PRRT2: variants seen among roughly 807,000 people sequenced by gnomAD.
The protein encoded by PRRT2 is proline-rich transmembrane protein 2.
A neutral mutation model predicts 24.7 loss-of-function variants in PRRT2; 9 were observed. The ratio of observed to expected loss-of-function variants is 0.36; its 90% confidence interval spans 0.22 to 0.64. The LOEUF is 0.64. Ranked by LOEUF, PRRT2 falls within the 30% of genes least tolerant of loss-of-function variation. The pLI is 0.65. For missense variants in PRRT2, 460 were observed against 435.0 expected, an observed-to-expected ratio of 1.06 and a Z score of -0.51; for synonymous variants, 195 against 175.5, an observed-to-expected ratio of 1.11 and a Z score of -0.88.
At chr16:29,812,890 G>A (rs1900048075) in intron 1 of PRRT2, 100 bp from the exon 2 acceptor site, 1 of 723,402 alleles carries the variant, frequency 1.4e-6, no homozygotes, top group Non-Finnish European at 2.3e-6. Context: ...CCTAGAGGCA[G>A]TGCAAGGCTG....
In PRRT2 at chr16:29,814,300, G is replaced by C; in HGVS notation, c.880-33G>C. The C allele has an allele frequency of 1.3e-6, 2 of 1,559,472 alleles. No homozygotes were observed. Among genetic ancestry groups the C allele is most frequent in the Non-Finnish European group, 1.7e-6 (2 of 1,161,568 alleles). On this transcript the variant is annotated intron_variant, in intron 2 of 3. Coordinates refer to ENST00000358758, the MANE Select transcript of PRRT2 (RefSeq NM_145239.3). This position sits in a 1 kb window ranked among gnomAD's most constrained non-coding sequence, Gnocchi z 4.1. ...TCTGGGCTGGCTTCTCCTGACCCCG[G>C]CTATGTGCCTCCACCCCTCGCCCTA...
chr16:29,812,567 A>C (rs2142419831), intron 1 of PRRT2: 1 of 153,654 alleles, frequency 6.5e-6, no homozygotes, highest in African/African-American at 2.4e-5. Context: ...CTAAACGCGC[A>C]GCAAGAAAAC....
In PRRT2 at chr16:29,814,263, C is replaced by T; in HGVS notation, c.880-70C>T. Reference sequence around the variant, plus strand: ...CTCTCTCTCTTCTGGATGACTTTTCCACCTGATCCCTTCTGGGCTGGCTTC... The same window carrying T: ...CTCTCTCTCTTCTGGATGACTTTTCTACCTGATCCCTTCTGGGCTGGCTTC... On this transcript the variant is annotated intron_variant, in intron 2 of 3. Transcript: ENST00000358758. This position sits in a 1 kb window ranked among gnomAD's most constrained non-coding sequence, Gnocchi z 4.1. 1.3e-6 allele frequency: 2 copies of T among 1,511,032 alleles called. No homozygotes were observed. Among genetic ancestry groups the T allele is most frequent in the Non-Finnish European group, 1.8e-6 (2 of 1,139,332 alleles). 93.6% of individuals were successfully genotyped at this position (1,511,032 alleles called of 1,614,324 possible). A position where few individuals can be genotyped will look rare whatever the true frequency, so the allele number is the denominator to read the frequency against.
In PRRT2 at chr16:29,814,142, T is replaced by C. The variant is rs2142428074; in HGVS notation, c.880-191T>C. On this transcript the variant is annotated intron_variant, in intron 2 of 3. Coordinates refer to ENST00000358758, the MANE Select transcript of PRRT2 (RefSeq NM_145239.3). This position sits in a 1 kb window ranked among gnomAD's most constrained non-coding sequence, Gnocchi z 4.1. ...CCTGCCCCTTTGGGTGGGAGGGATATGGAAACACGTGTCACACAGCCTCGC... is the reference window on the plus strand; with the variant it reads ...CCTGCCCCTTTGGGTGGGAGGGATACGGAAACACGTGTCACACAGCCTCGC... 3.4e-6 allele frequency: 5 copies of C among 1,487,598 alleles called. No individual in the cohort carries two copies. Among genetic ancestry groups the C allele is most frequent in the South Asian group, 2.7e-5 (2 of 72,860 alleles). 92.1% of individuals were successfully genotyped at this position (1,487,598 alleles called of 1,614,324 possible). A position where few individuals can be genotyped will look rare whatever the true frequency, so the allele number is the denominator to read the frequency against.
Position 29,813,070 on chromosome 16 carries a change from TC to T in PRRT2, c.17del (p.Ser6LeufsTer6). The T allele has an allele frequency of 1.9e-6, 3 of 1,606,728 alleles. No individual in the cohort carries two copies. The highest frequency in any genetic ancestry group is 2.5e-6 in the Non-Finnish European group (3 of 1,176,700). ...CCATCTCAAGATGGCAGCCAGCAGC[TC>T]TGAGATCTCTGAGATGAAGGGGGTT... The part of the protein sequence containing the change: MAASS[S>X]EISEMKGVEE... On this transcript the variant is annotated frameshift_variant, in exon 2 of 4. Coordinates refer to ENST00000358758, the MANE Select transcript of PRRT2 (RefSeq NM_145239.3). LOFTEE classifies it high-confidence loss of function.
At position 29,813,305 on chromosome 16, in the gene PRRT2, C is replaced by A. The variant is rs1900071780; in HGVS notation, c.251C>A (p.Ala84Asp). 3 of 1,614,078 alleles carry A rather than the reference C, an allele frequency of 1.9e-6. No homozygotes were observed. The East Asian group carries it at 6.7e-5, about 36-fold the overall frequency. The stretch of plus-strand genomic sequence containing the variant: ...GCTGGGGCCTCAGAAACAGCCCAGG[C>A]CACAGACCTCAGCTTAAGCCCAGGA... ...TPAGASETAQ[A>D]TDLSLSPGGE... Residue 84 changes from alanine to aspartate, a missense_variant, in exon 2 of 4, where the codon GCC becomes GAC. By Grantham distance (126) the Ala-to-Asp change is moderately radical. Coordinates refer to ENST00000358758, the MANE Select transcript of PRRT2 (RefSeq NM_145239.3).
At position 29,813,488 on chromosome 16, in the gene PRRT2, G is replaced by C. The variant is rs200877676; in HGVS notation, c.434G>C (p.Arg145Pro). Residue 145 changes from arginine (R) to proline (P), a missense_variant, in exon 2 of 4, where the codon CGG (arginine) becomes CCG (proline). Transcript: ENST00000358758. The part of the protein sequence containing the change: ...APEPAPQPDP[R>P]PDSQPTPKPA... ...GAGCCTGCTCCCCAACCAGACCCCC[G>C]GCCAGATTCCCAGCCTACCCCCAAG... is the stretch of plus-strand genomic sequence containing the variant. 1.2e-6 allele frequency: 2 copies of C among 1,613,140 alleles called. No individual in the cohort carries two copies. Among genetic ancestry groups the C allele is most frequent in the East Asian group, 2.2e-5 (1 of 44,868 alleles).
At position 29,815,636 on chromosome 16, in the gene PRRT2, T is replaced by TG. The variant is rs1434354215; in HGVS notation, c.*1003dup. Reference sequence around the variant, plus strand: ...GCTCTATAATTATTTTCTAAGATGATGGGGGAGGTTTGTTGCACGCGACAG... The same window carrying TG: ...GCTCTATAATTATTTTCTAAGATGATGGGGGGAGGTTTGTTGCACGCGACAG... On this transcript the variant is annotated 3_prime_UTR_variant, in exon 4 of 4. Transcript: ENST00000358758. 1 of 141,940 alleles carries TG rather than the reference T, an allele frequency of 7.0e-6. No homozygotes were observed. The highest frequency in any genetic ancestry group is 2.7e-5 in the African/African-American group (1 of 37,270). 8.8% of individuals were successfully genotyped at this position (141,940 alleles called of 1,614,324 possible).
rs200442695 is a variant in PRRT2 at position 29,813,565 on chromosome 16, C to G, written c.511C>G (p.Leu171Val). ...CCAGGAGGACCCCACCCCTGAGATTCTGTCTGAGAGTGTAGGGGAAAAGCA... is the reference window on the plus strand; with the variant it reads ...CCAGGAGGACCCCACCCCTGAGATTGTGTCTGAGAGTGTAGGGGAAAAGCA... ...PTQEDPTPEILSESVGEKQEN... is the reference protein window; with the variant it reads ...PTQEDPTPEIVSESVGEKQEN... Residue 171 changes from leucine to valine, a missense_variant, in exon 2 of 4, where the codon CTG becomes GTG. Coordinates refer to ENST00000358758, the MANE Select transcript of PRRT2 (RefSeq NM_145239.3). 1 of 1,613,770 alleles carries G rather than the reference C, an allele frequency of 6.2e-7. No homozygotes were observed. The highest frequency in any genetic ancestry group is 8.5e-7 in the Non-Finnish European group (1 of 1,179,812).
chr16:29,814,005 C>T lies in PRRT2; in HGVS notation c.879+72C>T. 1.3e-6 allele frequency: 2 copies of T among 1,518,278 alleles called. No individual in the cohort carries two copies. The highest frequency in any genetic ancestry group is 1.8e-6 in the Non-Finnish European group (2 of 1,136,776). The allele number at this position is 1,518,278 out of a possible 1,614,324, so 94.1% of individuals were successfully genotyped here. Reference sequence around the variant, plus strand: ...TCCCGCCAGCGCTGCAATAGAGCCTCTGGAGTAATCATGCCTTCCTTCCCC... The same window carrying T: ...TCCCGCCAGCGCTGCAATAGAGCCTTTGGAGTAATCATGCCTTCCTTCCCC... On this transcript the variant is annotated intron_variant, in intron 2 of 3. Transcript: ENST00000358758. The surrounding 1 kb of genome is among the most constrained non-coding windows in gnomAD (Gnocchi z 4.1).
Position 29,814,971 on chromosome 16 carries a change from G to T in PRRT2, c.*333G>T. On this transcript the variant is annotated 3_prime_UTR_variant, in exon 4 of 4. Transcript: ENST00000358758. This position sits in a 1 kb window ranked among gnomAD's most constrained non-coding sequence, Gnocchi z 4.1. ...ACACCTCCCCAACTCTGCGCTCTCAGCCTCCCTGCATCTCTCCTGGCCTCC... is the reference window on the plus strand; with the variant it reads ...ACACCTCCCCAACTCTGCGCTCTCATCCTCCCTGCATCTCTCCTGGCCTCC... 3.0e-6 allele frequency: 1 copy of T among 332,418 alleles called. No individual in the cohort carries two copies. Among genetic ancestry groups the T allele is most frequent in the Non-Finnish European group, 5.5e-6 (1 of 180,620 alleles). The allele number at this position is 332,418 out of a possible 1,614,324, so 20.6% of individuals were successfully genotyped here.
In PRRT2 at chr16:29,813,655, C is replaced by T; in HGVS notation, c.601C>T (p.His201Tyr). Residue 201 changes from histidine (H) to tyrosine (Y), a missense_variant, in exon 2 of 4, where the codon CAC becomes TAC. His to Tyr is a moderately conservative substitution (Grantham distance 83). Transcript: ENST00000358758. ...GGAAGAGGGCCCAGCCCCTGAGCCT[C>T]ACTCACCACCCTCAAAAAAATCCCC... ...DGEEGPAPEP[H>Y]SPPSKKSPPA... 6.2e-7 allele frequency: 1 copy of T among 1,611,434 alleles called. No individual in the cohort carries two copies. Among genetic ancestry groups the T allele is most frequent in the South Asian group, 1.1e-5 (1 of 90,884 alleles).
At chr16:29,812,539 G>C (rs1900026630) in intron 1 of PRRT2, 1 of 153,032 alleles carries the variant, frequency 6.5e-6, no homozygotes, top group Non-Finnish European at 1.5e-5. Flanking sequence ...CCCAGAAAGG[G>C]GCGGGAGCGT....
Position 29,814,040 on chromosome 16 carries a change from T to C in PRRT2, c.879+107T>C. ...CATGCCTTCCTTCCCCTCTCCTCTC[T>C]GCATGGATCCCACCTCCCCAATTCC... On this transcript the variant is annotated intron_variant, in intron 2 of 3. Transcript: ENST00000358758. This position sits in a 1 kb window ranked among gnomAD's most constrained non-coding sequence, Gnocchi z 4.1. 1 of 1,492,848 alleles carries C rather than the reference T, an allele frequency of 6.7e-7. No individual in the cohort carries two copies. Among genetic ancestry groups the C allele is most frequent in the South Asian group, 1.4e-5 (1 of 72,804 alleles). 92.5% of individuals were successfully genotyped at this position (1,492,848 alleles called of 1,614,324 possible).
rs1259283699 is a variant in PRRT2, at chr16:29,813,824, A to T, written c.770A>T (p.Glu257Val). ...TCCCAGTTGGCAGGTCCTGGGGTGGAGGGGGGTGAAGGCACCCAGAAACCT... is the reference window on the plus strand; with the variant it reads ...TCCCAGTTGGCAGGTCCTGGGGTGGTGGGGGGTGAAGGCACCCAGAAACCT... Reference protein sequence around the residue: ...PSSQLAGPGVEGGEGTQKPRD... With the variant: ...PSSQLAGPGVVGGEGTQKPRD... The change falls in exon 2 of 4, where the codon GAG becomes GTG. Residue 257 changes from glutamate to valine, a missense_variant. Around this residue, in one of 3 missense-constraint regions of PRRT2, gnomAD observed 378 missense variants for 324.6 expected, o/e 1.16. Coordinates refer to ENST00000358758, the MANE Select transcript of PRRT2 (RefSeq NM_145239.3). The T allele has an allele frequency of 6.2e-7, 1 of 1,612,962 alleles. No homozygotes were observed.
rs1366259234 is a variant in PRRT2 at position 29,813,623 on chromosome 16, G to A, written c.569G>A (p.Gly190Asp). The stretch of plus-strand genomic sequence containing the variant: ...GGGGCAGTGGTGCCCCTGCAGGCTG[G>A]TGATGGGGAAGAGGGCCCAGCCCCT... ...ENGAVVPLQA[G>D]DGEEGPAPEP... The change falls in exon 2 of 4, where the codon GGT becomes GAT. Residue 190 changes from glycine to aspartate, a missense_variant. By Grantham distance (94) the Gly-to-Asp change is moderately conservative. Transcript: ENST00000358758. 1.9e-6 allele frequency: 3 copies of A among 1,613,224 alleles called. No individual in the cohort carries two copies. Among genetic ancestry groups the A allele is most frequent in the Non-Finnish European group, 2.5e-6 (3 of 1,179,696 alleles).
Position 29,813,694 on chromosome 16 carries a change from GCC to G in PRRT2, c.648_649del (p.Arg217SerfsTer7). 2.0e-6 allele frequency: 3 copies of G among 1,505,378 alleles called. No individual in the cohort carries two copies. The highest frequency in any genetic ancestry group is 2.4e-5 in the East Asian group (1 of 42,416). The allele number at this position is 1,505,378 out of a possible 1,614,324, so 93.3% of individuals were successfully genotyped here. On this transcript the variant is annotated frameshift_variant, in exon 2 of 4. Coordinates refer to ENST00000358758, the MANE Select transcript of PRRT2 (RefSeq NM_145239.3). LOFTEE classifies it high-confidence loss of function. Reference sequence around the variant, plus strand: ...AAAAAAATCCCCCCCAGCCAATGGGGCCCCCCCCCGAGTGCTGCAGCAGCTGG... The same window carrying G: ...AAAAAAATCCCCCCCAGCCAATGGGGCCCCCCCGAGTGCTGCAGCAGCTGG... ...PSKKSPPANGAPPRVLQQLVE... is the reference protein window; with the variant it reads ...PSKKSPPANGXPPRVLQQLVE...
At position 29,813,127 on chromosome 16, in the gene PRRT2, C is replaced by G. The variant is rs371883992; in HGVS notation, c.73C>G (p.Pro25Ala). The G allele has an allele frequency of 6.2e-7, 1 of 1,613,990 alleles. No individual in the cohort carries two copies. Among genetic ancestry groups the G allele is most frequent in the Non-Finnish European group, 8.5e-7 (1 of 1,179,988 alleles). Residue 25 changes from proline (P) to alanine (A), a missense_variant, in exon 2 of 4, where the codon CCT becomes GCT. Physicochemically the swap from Pro to Ala is conservative, Grantham distance 27. This residue lies in a region of PRRT2 where 378 missense variants were observed against 324.6 expected (regional missense o/e 1.16). Coordinates refer to ENST00000358758, the MANE Select transcript of PRRT2 (RefSeq NM_145239.3). ...EESPKVPGEG[P>A]GHSEAETGPP... Reference sequence around the variant, plus strand: ...GAGTCCCAAGGTTCCAGGCGAAGGGCCTGGCCATTCTGAAGCTGAAACTGG... The same window carrying G: ...GAGTCCCAAGGTTCCAGGCGAAGGGGCTGGCCATTCTGAAGCTGAAACTGG...
At position 29,814,032 on chromosome 16, in the gene PRRT2, C is replaced by T; in HGVS notation, c.879+99C>T. Reference sequence around the variant, plus strand: ...GGAGTAATCATGCCTTCCTTCCCCTCTCCTCTCTGCATGGATCCCACCTCC... The same window carrying T: ...GGAGTAATCATGCCTTCCTTCCCCTTTCCTCTCTGCATGGATCCCACCTCC... On this transcript the variant is annotated intron_variant, in intron 2 of 3. Transcript: ENST00000358758. This position sits in a 1 kb window ranked among gnomAD's most constrained non-coding sequence, Gnocchi z 4.1. 3 of 1,502,714 alleles carry T rather than the reference C, an allele frequency of 2.0e-6. No homozygotes were observed. The highest frequency in any genetic ancestry group is 1.8e-6 in the Non-Finnish European group (2 of 1,132,334). The allele number at this position is 1,502,714 out of a possible 1,614,324, so 93.1% of individuals were successfully genotyped here. A position where few individuals can be genotyped will look rare whatever the true frequency, so the allele number is the denominator to read the frequency against.
Sources: allele counts gnomAD v4.1 joint callset, GRCh38; gene constraint gnomAD v4.1.1; regional missense constraint gnomAD v4.1.1; non-coding constraint Gnocchi (gnomAD v3.1); transcripts MANE v1.5; gene names NCBI Gene and HGNC (gene_info 2026-07-23, HGNC 2026-07-21).